Variants in PLCL1 observed in about 807,000 individuals in gnomAD.
PLCL1 encodes inactive phospholipase C-like protein 1.
Under a neutral mutation model 84.4 loss-of-function variants are expected in PLCL1, and 41 were observed. The observed-to-expected ratio is 0.49, with a 90% CI of 0.38 to 0.63. PLCL1 has a LOEUF of 0.63. Ranked by LOEUF, PLCL1 falls within the 30% of genes least tolerant of loss-of-function variation. The probability of loss-of-function intolerance (pLI) is 0.00; values close to 1 mark genes in which losing one functional copy is unlikely to be tolerated. For synonymous variants in PLCL1, 490 were observed against 488.3 expected (o/e 1.00, Z -0.05); for missense variants, 1,206 against 1,367.8 (o/e 0.88, Z 1.87).
intron 1 of PLCL1, among the ~76,000 whole-genome samples, chr2:198,023,712 A>T (rs546239768): frequency 2.0e-3 from 309 of 152,342 alleles, no homozygotes; most frequent in Middle Eastern, 3.4e-3. Context: ...ATCTCATGCC[A>T]GTTAGAATGG....
At chr2:197,923,858 C>T (rs1451211211) in intron 1 of PLCL1, among the ~76,000 whole-genome samples, 2 of 151,286 alleles carry the variant, frequency 1.3e-5, no homozygotes, top group Admixed American at 1.3e-4. Flanking sequence ...TGCACTCCAG[C>T]CTGGGCACCA....
intron 1 of PLCL1, among the ~76,000 whole-genome samples, chr2:198,027,555 A>G (rs986471599): frequency 2.6e-5 from 4 of 152,200 alleles, no homozygotes; most frequent in African/African-American, 9.6e-5. Context: ...TAGTTGGCTC[A>G]ATTCAGCCAT....
At chr2:197,965,720 C>T (rs1039351960) in intron 1 of PLCL1, among the ~76,000 whole-genome samples, 5 of 151,982 alleles carry the variant, frequency 3.3e-5, no homozygotes, top group Admixed American at 6.6e-5. Flanking sequence ...TTGCTATATC[C>T]CATAGGTTTT....
intron 1 of PLCL1, among the ~76,000 whole-genome samples, chr2:197,959,706 T>C (rs896741950): frequency 9.9e-5 from 15 of 152,046 alleles, no homozygotes; most frequent in African/African-American, 3.6e-4. Context: ...TGCTAACAAG[T>C]TCTACATAAA....
chr2:197,907,975 G>C (rs2105743407), intron 1 of PLCL1, among the ~76,000 whole-genome samples: 1 of 152,166 alleles, frequency 6.6e-6, no homozygotes, highest in Middle Eastern at 3.4e-3. Context: ...TGTACAAGAG[G>C]GTCATCTTTT....
intron 5 of PLCL1, among the ~76,000 whole-genome samples, chr2:198,132,799 G>A (rs553407800): frequency 1.2e-4 from 19 of 152,032 alleles, no homozygotes; most frequent in African/African-American, 4.3e-4. Flanking sequence ...TCTGATGGTA[G>A]TTTCTTTTGC....
chr2:198,073,980 AGTAAATTCACT>A (rs1317453061), intron 1 of PLCL1, among the ~76,000 whole-genome samples: 2 of 152,234 alleles, frequency 1.3e-5, no homozygotes, highest in Non-Finnish European at 2.9e-5. Context: ...GTTTTTAAAA[AGTAAATTCACT>A]GTTTTTAAAT....
chr2:197,913,085 A>C (rs1688522971), intron 1 of PLCL1, among the ~76,000 whole-genome samples: 1 of 152,200 alleles, frequency 6.6e-6, no homozygotes, highest in South Asian at 2.1e-4. Flanking sequence ...ATGGGACCAA[A>C]GCTGAAAGTG....
intron 1 of PLCL1, among the ~76,000 whole-genome samples, chr2:198,080,472 TAGA>T (rs1213649668): frequency 3.3e-5 from 5 of 152,106 alleles, no homozygotes; most frequent in Admixed American, 2.0e-4. Context: ...TGGTGAAGCT[TAGA>T]AGGAGATTTG....
chr2:197,909,152 G>T (rs1688438288), intron 1 of PLCL1, among the ~76,000 whole-genome samples: 1 of 152,146 alleles, frequency 6.6e-6, no homozygotes, highest in Non-Finnish European at 1.5e-5. Flanking sequence ...AAACTGTTTT[G>T]AGCTCGGAAT....
In PLCL1 at chr2:197,947,329, G is replaced by A. The variant is rs114433061; in HGVS notation, c.241-136429G>A. Among the ~76,000 whole-genome samples the A allele has an allele frequency of 4.8e-3, 723 of 151,268 alleles. 5 individuals are homozygous for A. The highest frequency in any genetic ancestry group is 0.016 in the African/African-American group (674 of 41,204). On this transcript the variant is annotated intron_variant, in intron 1 of 5. Transcript: ENST00000428675. Reference sequence around the variant, plus strand: ...TAGTGTACATCAGAGTTACTAGCAGGACTTATTAAAACACAGATTGTTTGG... The same window carrying A: ...TAGTGTACATCAGAGTTACTAGCAGAACTTATTAAAACACAGATTGTTTGG...
intron 1 of PLCL1, among the ~76,000 whole-genome samples, chr2:197,823,399 A>G (rs1341164392): frequency 6.6e-6 from 1 of 152,050 alleles, no homozygotes; most frequent in Non-Finnish European, 1.5e-5. Context: ...GGAGGATTTA[A>G]ATGAGAGAAT....
At chr2:198,113,648 G>A (rs751803460) in intron 5 of PLCL1, among the ~76,000 whole-genome samples, 1 of 151,860 alleles carries the variant, frequency 6.6e-6, no homozygotes, top group Non-Finnish European at 1.5e-5. Flanking sequence ...ACCCTGCCTT[G>A]TATCTTGATA....
chr2:198,060,199 T>C (rs372850300), intron 1 of PLCL1, among the ~76,000 whole-genome samples: 154 of 152,306 alleles, frequency 1.0e-3, no homozygotes, highest in African/African-American at 3.4e-3. Flanking sequence ...ACAAAACCTT[T>C]GATAGTCTGT....
chr2:197,926,518 G>A (rs1002138296), intron 1 of PLCL1, among the ~76,000 whole-genome samples: 5 of 152,166 alleles, frequency 3.3e-5, no homozygotes, highest in South Asian at 2.1e-4. Flanking sequence ...TATAATTTAC[G>A]TGATATTTAA....
At chr2:197,986,472 C>G (rs1481957806) in intron 1 of PLCL1, among the ~76,000 whole-genome samples, 1 of 152,162 alleles carries the variant, frequency 6.6e-6, no homozygotes, top group African/African-American at 2.4e-5. Context: ...CCACCTCAGC[C>G]TTTGAGTAGC....
intron 1 of PLCL1, among the ~76,000 whole-genome samples, chr2:197,870,609 G>A (rs967208853): frequency 2.0e-5 from 3 of 152,032 alleles, no homozygotes; most frequent in Non-Finnish European, 2.9e-5. Context: ...ATTTGTTAGC[G>A]GGAAGGGAAG....
chr2:198,009,632 T>C (rs1238938618), intron 1 of PLCL1, among the ~76,000 whole-genome samples: 3 of 152,060 alleles, frequency 2.0e-5, no homozygotes, highest in Admixed American at 1.3e-4. Context: ...CCTCTGACTT[T>C]GTTCTTTTTC....
chr2:198,089,943 C>T (rs1051464075), intron 3 of PLCL1, among the ~76,000 whole-genome samples: 6 of 152,024 alleles, frequency 3.9e-5, no homozygotes, highest in Admixed American at 1.3e-4. Context: ...TACCTCTGAT[C>T]AAGAATTTAA....
Sources: gnomAD v4.1 joint callset for allele counts (sites outside exome capture counted in the v4.1 genomes callset) on GRCh38, gnomAD v4.1.1 for gene constraint, MANE v1.5 for transcripts, NCBI Gene and HGNC (gene_info 2026-07-23, HGNC 2026-07-21) for gene names.